PARD3: variants seen among roughly 807,000 people sequenced by gnomAD.
PARD3 encodes par-3 family cell polarity regulator, also known as partitioning defective 3 homolog.
Under a neutral mutation model 155.4 loss-of-function variants are expected in PARD3, and 75 were observed. The ratio of observed to expected loss-of-function variants is 0.48; its 90% CI spans 0.40 to 0.58. PARD3 has a LOEUF of 0.58. Among genes scored for constraint, PARD3 ranks in the 20% least tolerant of loss-of-function variants. PARD3 has a pLI of 0.00. For missense variants in PARD3, 1,642 were observed against 1,721.7 expected (o/e 0.95, Z 0.82); for synonymous variants, 576 against 610.5 (o/e 0.94, Z 0.83).
At chr10:34,178,562 C>T (rs555138060) in intron 22 of PARD3, among the ~76,000 whole-genome samples, 6 of 152,136 alleles carry the variant, frequency 3.9e-5, no homozygotes, top group Non-Finnish European at 8.8e-5. Context: ...AGAAAGTAAA[C>T]CTCCTGGATC....
chr10:34,216,357 C>G (rs893306114), intron 22 of PARD3, among the ~76,000 whole-genome samples: 2 of 152,192 alleles, frequency 1.3e-5, no homozygotes, highest in Non-Finnish European at 2.9e-5. Flanking sequence ...TTGTAAGCAA[C>G]ATTTTAGACA....
intron 20 of PARD3, among the ~76,000 whole-genome samples, chr10:34,292,167 G>A (rs1488448578): frequency 6.6e-6 from 1 of 152,186 alleles, no homozygotes; most frequent in East Asian, 1.9e-4. Flanking sequence ...AACCCATTCA[G>A]AGGGTAAAAT....
At chr10:34,812,649 G>A (rs1282737958) in intron 1 of PARD3, among the ~76,000 whole-genome samples, 1 of 152,138 alleles carries the variant, frequency 6.6e-6, no homozygotes, top group Non-Finnish European at 1.5e-5. Context: ...GGGATCCAAT[G>A]ACTGAACTTG....
intron 5 of PARD3, among the ~76,000 whole-genome samples, chr10:34,449,951 C>T (rs187052027): frequency 2.0e-5 from 3 of 152,276 alleles, no homozygotes; most frequent in East Asian, 1.9e-4. Context: ...TTTTAATTTG[C>T]GTCTTCAGAT....
chr10:34,142,839 A>C (rs1948264970), intron 22 of PARD3, among the ~76,000 whole-genome samples: 1 of 152,186 alleles, frequency 6.6e-6, no homozygotes, highest in Non-Finnish European at 1.5e-5. Flanking sequence ...AAGTTTGTGG[A>C]TTATATTATT....
Position 34,230,201 on chromosome 10 carries a change from T to C in PARD3, c.3419+39456A>G, listed in dbSNP as rs114663550. Among the ~76,000 whole-genome samples, 511 of 152,072 alleles carry C rather than the reference T, an allele frequency of 3.4e-3. 10 individuals carry two copies. The highest frequency in any genetic ancestry group is 0.012 in the African/African-American group (492 of 41,408). ...GTAACCAATAAATAAATACATACCA[T>C]AGAACATAAACCTACCCAGCCACAG... On this transcript the variant is annotated intron_variant, in intron 22 of 24. Coordinates refer to ENST00000374788, the MANE Select transcript of PARD3 (RefSeq NM_001184785.2).
chr10:34,343,264 A>G, intron 15 of PARD3: 1 of 841,796 alleles, frequency 1.2e-6, no homozygotes, highest in Non-Finnish European at 1.4e-6. Flanking sequence ...TTATTAAAAG[A>G]AAATATTACA....
intron 1 of PARD3, among the ~76,000 whole-genome samples, chr10:34,767,258 G>C (rs955375885): frequency 6.6e-6 from 1 of 152,188 alleles, no homozygotes; most frequent in Admixed American, 6.5e-5. Context: ...ATTTCAGTTA[G>C]TAAGAAACAC....
intron 22 of PARD3, among the ~76,000 whole-genome samples, chr10:34,179,091 C>T (rs1165171570): frequency 1.2e-4 from 19 of 152,062 alleles, no homozygotes; most frequent in East Asian, 1.9e-4. Context: ...GAAGAAAAGA[C>T]GTCAATATTT....
chr10:34,614,965 T>C (rs1322083712), intron 2 of PARD3, among the ~76,000 whole-genome samples: 1 of 152,122 alleles, frequency 6.6e-6, no homozygotes, highest in African/African-American at 2.4e-5. Context: ...GATCACAAGG[T>C]CAGGAGATCA....
intron 22 of PARD3, among the ~76,000 whole-genome samples, chr10:34,145,344 G>C (rs925307809): frequency 2.0e-5 from 3 of 148,544 alleles, no homozygotes; most frequent in African/African-American, 7.4e-5. Context: ...GGAATCTTAA[G>C]TTCTCCAGTT....
chr10:34,536,213 A>T (rs908060574), intron 2 of PARD3, among the ~76,000 whole-genome samples: 13 of 152,212 alleles, frequency 8.5e-5, no homozygotes, highest in South Asian at 8.3e-4. Context: ...CAAAAAAAAA[A>T]TTTTTAATAT....
chr10:34,182,107 C>T (rs1259615444), intron 22 of PARD3, among the ~76,000 whole-genome samples: 1 of 152,198 alleles, frequency 6.6e-6, no homozygotes, highest in Non-Finnish European at 1.5e-5. Context: ...GCAAAACCAG[C>T]TGGCAGCAGC....
rs1166487579 is a variant in PARD3, at chr10:34,149,316, T to A, written c.3420-17733A>T. Among the ~76,000 whole-genome samples, 3 of 152,094 alleles carry A rather than the reference T, an allele frequency of 2.0e-5. No homozygotes were observed. In the East Asian group the frequency reaches 5.8e-4, roughly 29 times the overall value. On this transcript the variant is annotated intron_variant, in intron 22 of 24. Coordinates refer to ENST00000374788, the MANE Select transcript of PARD3 (RefSeq NM_001184785.2). ...TTCCTGGTAGTCTCCTCTTTCTTCT[T>A]GTATTCACAAAATTCTCTATGAACA... is the stretch of plus-strand genomic sequence containing the variant.
rs12260304 is a variant in PARD3 at position 34,583,663 on chromosome 10, C to A, written c.223-66504G>T. Among the ~76,000 whole-genome samples the A allele has an allele frequency of 9.1e-3, 1,385 of 152,168 alleles. 14 individuals are homozygous for A. Among genetic ancestry groups the A allele is most frequent in the African/African-American group, 0.032 (1,316 of 41,534 alleles). ...GACATTAAAAAACAGAATGAGGAAA[C>A]CTTATCTTCCAGAGGTTACTGCACA... On this transcript the variant is annotated intron_variant, in intron 2 of 24. Coordinates refer to ENST00000374788, the MANE Select transcript of PARD3 (RefSeq NM_001184785.2).
intron 5 of PARD3, among the ~76,000 whole-genome samples, chr10:34,435,858 A>C (rs894788626): frequency 1.3e-5 from 2 of 152,230 alleles, no homozygotes; most frequent in African/African-American, 4.8e-5. Flanking sequence ...GTTACTGTTG[A>C]GAACACAGCA....
intron 20 of PARD3, among the ~76,000 whole-genome samples, chr10:34,298,394 A>G (rs1957006683): frequency 6.6e-6 from 1 of 152,260 alleles, no homozygotes; most frequent in African/African-American, 2.4e-5. Flanking sequence ...GTATATACAT[A>G]CAATAAAATA....
At chr10:34,576,487 A>T (rs1179407868) in intron 2 of PARD3, among the ~76,000 whole-genome samples, 4 of 152,190 alleles carry the variant, frequency 2.6e-5, no homozygotes, top group East Asian at 3.8e-4. Context: ...TTTTTGAAGA[A>T]GATGATCTGA....
intron 22 of PARD3, chr10:34,201,977 A>AT (rs1296096971): frequency 6.6e-6 from 1 of 152,130 alleles, no homozygotes; most frequent in Non-Finnish European, 1.5e-5. Flanking sequence ...CATTTTTACT[A>AT]TTTTTAGCCA....
Sources: gnomAD v4.1 joint callset for allele counts (sites outside exome capture counted in the v4.1 genomes callset) on GRCh38, gnomAD v4.1.1 for gene constraint, MANE v1.5 for transcripts, NCBI Gene and HGNC (gene_info 2026-07-23, HGNC 2026-07-21) for gene names.